DDX4: variants seen among roughly 807,000 people sequenced by gnomAD.
The protein encoded by DDX4 is DEAD-box helicase 4, also known as probable ATP-dependent RNA helicase DDX4.
A neutral mutation model predicts 100.0 loss-of-function variants in DDX4; 25 were observed. That is an observed-to-expected ratio of 0.25 (90% CI 0.18 to 0.35). The LOEUF (loss-of-function observed/expected upper bound fraction) is 0.35, where lower values mean the gene tolerates loss of function less well. DDX4 is among the 10% of genes least tolerant of loss of function. The pLI is 1.00. For synonymous variants in DDX4, 259 were observed against 275.7 expected (o/e 0.94, Z 0.60); for missense variants, 635 against 882.4 (o/e 0.72, Z 3.55).
At chr5:55,791,099 GAA>G (rs1561506212) in intron 16 of DDX4, among the ~76,000 whole-genome samples, 2 of 152,108 alleles carry the variant, frequency 1.3e-5, no homozygotes, top group African/African-American at 4.8e-5. Context: ...TCTCCTGTAA[GAA>G]ACCCTTTGTG....
chr5:55,760,284 A>T lies in DDX4; in HGVS notation c.205+7A>T. 6.4e-7 allele frequency: 1 copy of T among 1,552,726 alleles called. No individual in the cohort carries two copies. The highest frequency in any genetic ancestry group is 1.2e-5 in the South Asian group (1 of 80,198). On this transcript the variant is annotated splice_region_variant and intron_variant, in intron 4 of 21. Coordinates refer to ENST00000505374, the MANE Select transcript of DDX4 (RefSeq NM_024415.3). ...CGGAATTTTGGAAACAGAGGTAAGC[A>T]TCTTTGTCTTTCCTTAATCTCCTGA... is the stretch of plus-strand genomic sequence containing the variant.
At chr5:55,750,783 A>AT (rs895001207) in intron 3 of DDX4, among the ~76,000 whole-genome samples, 16 of 150,352 alleles carry the variant, frequency 1.1e-4, no homozygotes, top group South Asian at 8.5e-4. Context: ...TTAACTTAGA[A>AT]TTTTTTTTTT....
chr5:55,766,902 A>T lies in DDX4; in HGVS notation c.335-979A>T, dbSNP rs1444654047. Reference sequence around the variant, plus strand: ...TAGAACTTTTACATTTCGAAAAATCATTCCTTTCAGAATAAACATTTCTGG... The same window carrying T: ...TAGAACTTTTACATTTCGAAAAATCTTTCCTTTCAGAATAAACATTTCTGG... On this transcript the variant is annotated intron_variant, in intron 6 of 21. Transcript: ENST00000505374. The T allele has an allele frequency of 2.0e-6, 3 of 1,515,886 alleles. No individual in the cohort carries two copies. In the East Asian group the frequency reaches 7.4e-5, roughly 37 times the overall value. 93.9% of individuals were successfully genotyped at this position (1,515,886 alleles called of 1,614,324 possible). A position where few individuals can be genotyped will look rare whatever the true frequency, so the allele number is the denominator to read the frequency against.
intron 7 of DDX4, among the ~76,000 whole-genome samples, chr5:55,770,589 A>G (rs1741196602): frequency 3.9e-5 from 6 of 152,224 alleles, no homozygotes; most frequent in Admixed American, 3.9e-4. Context: ...GGAACTACAT[A>G]GTAATCAGAT....
At chr5:55,775,648 GTAT>G (rs777560744) in intron 7 of DDX4, among the ~76,000 whole-genome samples, 5 of 152,076 alleles carry the variant, frequency 3.3e-5, no homozygotes, top group Middle Eastern at 6.8e-3. Context: ...TATCTGGTAA[GTAT>G]TTTTTTAAAA....
rs553404441 is a variant in DDX4, at chr5:55,759,875, CTG to C, written c.128-323_128-322del. 8.5e-5 allele frequency among the ~76,000 whole-genome samples: 13 copies of C among 152,194 alleles called. No individual in the cohort carries two copies. The East Asian group carries it at 2.1e-3, about 25-fold the overall frequency. On this transcript the variant is annotated intron_variant, in intron 3 of 21. Transcript: ENST00000505374. Reference sequence around the variant, plus strand: ...GTTCTGGCTATTAGCAAATTTAAGACTGTTTTCCATTTTTTAAAAATTTATTT... The same window carrying C: ...GTTCTGGCTATTAGCAAATTTAAGACTTTTCCATTTTTTAAAAATTTATTT...
intron 6 of DDX4, among the ~76,000 whole-genome samples, chr5:55,766,594 T>C (rs927575894): frequency 2.0e-5 from 3 of 152,170 alleles, no homozygotes; most frequent in Non-Finnish European, 4.4e-5. Context: ...TCAGGATTGT[T>C]TGTCAGTTGT....
At chr5:55,759,686 T>C (rs1365921625) in intron 3 of DDX4, among the ~76,000 whole-genome samples, 1 of 152,190 alleles carries the variant, frequency 6.6e-6, no homozygotes, top group Non-Finnish European at 1.5e-5. Context: ...ACAGTGCTTA[T>C]AAAAATTTTT....
At chr5:55,740,950 T>G (rs1758945239) in intron 2 of DDX4, among the ~76,000 whole-genome samples, 1 of 152,228 alleles carries the variant, frequency 6.6e-6, no homozygotes, top group Non-Finnish European at 1.5e-5. Context: ...ACATCTTACT[T>G]GTTTTAATTT....
Position 55,785,859 on chromosome 5 carries a change from A to G in DDX4, c.852A>G (p.Pro284=). The part of the protein sequence containing the change: ...ILVEVSGHDA[P]PAILTFEEAN... ...TGGAAGTGTCTGGACATGATGCACC[A>G]CCAGCAATTCTGGTCAGTGTATTAA... The change falls in exon 13 of 22, where the codon CCA becomes CCG. Residue 284 remains proline (P), a synonymous_variant. Coordinates refer to ENST00000505374, the MANE Select transcript of DDX4 (RefSeq NM_024415.3). The G allele has an allele frequency of 6.2e-7, 1 of 1,609,866 alleles. No individual in the cohort carries two copies. Among genetic ancestry groups the G allele is most frequent in the South Asian group, 1.1e-5 (1 of 90,922 alleles).
chr5:55,751,232 T>G (rs549116378), intron 3 of DDX4, among the ~76,000 whole-genome samples: 41 of 152,292 alleles, frequency 2.7e-4, no homozygotes, highest in African/African-American at 9.9e-4. Flanking sequence ...AGTAAAATCT[T>G]TTTTTTGTTG....
At chr5:55,754,122 G>A (rs1440082125) in intron 3 of DDX4, among the ~76,000 whole-genome samples, 57 of 148,196 alleles carry the variant, frequency 3.8e-4, no homozygotes, top group African/African-American at 1.0e-3. Flanking sequence ...CTGCAAACAG[G>A]GACAATTTGA....
Position 55,792,665 on chromosome 5 carries a change from T to G in DDX4, c.1327T>G (p.Leu443Val). 1 of 1,589,146 alleles carries G rather than the reference T, an allele frequency of 6.3e-7. No individual in the cohort carries two copies. Among genetic ancestry groups the G allele is most frequent in the Non-Finnish European group, 8.6e-7 (1 of 1,165,968 alleles). ...GATTGGTCTCAAACAGATCAAATAC[T>G]TAGTTTTGGATGAAGCTGATCGCAT... ...EKIGLKQIKY[L>V]VLDEADRMLD... Residue 443 changes from leucine (L) to valine (V), a missense_variant, in exon 17 of 22, where the codon TTA becomes GTA. Around this residue, in one of 4 missense-constraint regions of DDX4, gnomAD observed 446 missense variants for 540.8 expected, o/e 0.82. Transcript: ENST00000505374.
chr5:55,798,337 A>G, intron 17 of DDX4, 89 bp from the exon 18 acceptor site: 4 of 1,351,404 alleles, frequency 3.0e-6, no homozygotes, highest in Non-Finnish European at 4.0e-6. Context: ...TCTGATTAAT[A>G]TTGAGATAAC....
intron 7 of DDX4, among the ~76,000 whole-genome samples, chr5:55,774,528 A>G (rs1741446184): frequency 6.6e-6 from 1 of 152,132 alleles, no homozygotes; most frequent in Non-Finnish European, 1.5e-5. Flanking sequence ...AAAATTTAAC[A>G]TTTTTATCAA....
chr5:55,794,739 C>G (rs1742815266), intron 17 of DDX4, among the ~76,000 whole-genome samples: 1 of 152,170 alleles, frequency 6.6e-6, no homozygotes, highest in African/African-American at 2.4e-5. Context: ...AAGCTCCTAT[C>G]TGACCTTGAG....
Position 55,813,785 on chromosome 5 carries a change from A to G in DDX4, c.1715+13A>G, listed in dbSNP as rs1043572443. 7 of 1,562,982 alleles carry G rather than the reference A, an allele frequency of 4.5e-6. No individual in the cohort carries two copies. The highest frequency in any genetic ancestry group is 5.2e-6 in the Non-Finnish European group (6 of 1,159,922). On this transcript the variant is annotated intron_variant, in intron 19 of 21. Transcript: ENST00000505374. ...CAAGTATTCATGGGTGAGTAGATGA[A>G]TATAATTACCTATTAGGGGAATGAC...
chr5:55,808,299 T>C (rs999206018), intron 18 of DDX4, among the ~76,000 whole-genome samples: 1 of 152,172 alleles, frequency 6.6e-6, no homozygotes, highest in South Asian at 2.1e-4. Flanking sequence ...GATCATCTGA[T>C]GCCTTCTTCT....
intron 18 of DDX4, among the ~76,000 whole-genome samples, chr5:55,809,097 G>A (rs1367170284): frequency 1.3e-5 from 2 of 152,214 alleles, no homozygotes; most frequent in South Asian, 2.1e-4. Flanking sequence ...GGCTCCATGG[G>A]GGTAGGACCC....
Sources: gnomAD v4.1 joint callset for allele counts (sites outside exome capture counted in the v4.1 genomes callset) on GRCh38, gnomAD v4.1.1 for gene constraint, gnomAD v4.1.1 regional missense constraint, MANE v1.5 for transcripts, NCBI Gene and HGNC (gene_info 2026-07-23, HGNC 2026-07-21) for gene names.